PSD3: variants seen among roughly 807,000 people sequenced by gnomAD.
The protein encoded by PSD3 is pleckstrin and Sec7 domain containing 3.
In PSD3, 49 loss-of-function variants were observed where a neutral mutation model predicts 105.5. That is an observed-to-expected ratio of 0.46 (90% confidence interval 0.37 to 0.59). The LOEUF (loss-of-function observed/expected upper bound fraction) is 0.59. PSD3 is among the 20% of genes least tolerant of loss of function. PSD3 has a pLI of 0.00. For synonymous variants in PSD3, 557 were observed against 457.8 expected, an observed-to-expected ratio of 1.22 and a Z score of -2.77; for missense variants, 1,561 against 1,263.8, an observed-to-expected ratio of 1.24 and a Z score of -3.57.
chr8:18,905,818 A>G (rs1380334661), intron 2 of PSD3, among the ~76,000 whole-genome samples: 3 of 152,224 alleles, frequency 2.0e-5, no homozygotes, highest in Non-Finnish European at 4.4e-5. Context: ...ATTCACGAAT[A>G]TAGGCCTAAA....
intron 1 of PSD3, among the ~76,000 whole-genome samples, chr8:19,008,075 C>G (rs529038287): frequency 6.6e-6 from 1 of 152,276 alleles, no homozygotes; most frequent in South Asian, 2.1e-4. Context: ...CTCCGCTGAC[C>G]TCAGGCGATC....
chr8:18,951,883 C>G (rs970332612), intron 1 of PSD3, among the ~76,000 whole-genome samples: 1 of 152,016 alleles, frequency 6.6e-6, no homozygotes, highest in Admixed American at 6.6e-5. Flanking sequence ...GCAGAAGAAT[C>G]ATTTGAACCT....
intron 2 of PSD3, among the ~76,000 whole-genome samples, chr8:18,885,986 A>T (rs1157006125): frequency 6.6e-6 from 1 of 152,150 alleles, no homozygotes; most frequent in African/African-American, 2.4e-5. Flanking sequence ...CTATTCAGAT[A>T]CTAAGCTGTA....
chr8:18,704,015 A>G (rs1801742448), intron 9 of PSD3, among the ~76,000 whole-genome samples: 1 of 152,238 alleles, frequency 6.6e-6, no homozygotes, highest in African/African-American at 2.4e-5. Flanking sequence ...CTGGCAGATA[A>G]GATCTTTAAA....
rs926453499 is a variant in PSD3, at chr8:18,528,126, T to C, written c.*7617A>G. On this transcript the variant is annotated 3_prime_UTR_variant, in exon 16 of 16. Transcript: ENST00000327040. ...TGGTAATCAAGGCTGACAATATAAATTCTCCGCTAGTGTACATTTAGAAAT... is the reference window on the plus strand; with the variant it reads ...TGGTAATCAAGGCTGACAATATAAACTCTCCGCTAGTGTACATTTAGAAAT... 6.6e-6 allele frequency: 1 copy of C among 152,232 alleles called. No homozygotes were observed. The highest frequency in any genetic ancestry group is 1.5e-5 in the Non-Finnish European group (1 of 68,048). 9.4% of individuals were successfully genotyped at this position (152,232 alleles called of 1,614,324 possible).
At chr8:18,610,342 T>C (rs1825833) in intron 11 of PSD3, among the ~76,000 whole-genome samples, 42,122 of 152,116 alleles carry the variant, frequency 0.28, 6,220 homozygotes, top group South Asian at 0.46. Flanking sequence ...ATCCCAGTGG[T>C]TGTACTTCAA....
intron 11 of PSD3, among the ~76,000 whole-genome samples, chr8:18,609,372 T>A (rs1042985290): frequency 6.6e-6 from 1 of 152,168 alleles, no homozygotes; most frequent in Non-Finnish European, 1.5e-5. Context: ...CGGAGAAAGA[T>A]ATTCACAATA....
At chr8:18,927,581 A>G (rs1821451957) in intron 2 of PSD3, among the ~76,000 whole-genome samples, 2 of 152,188 alleles carry the variant, frequency 1.3e-5, no homozygotes, top group Non-Finnish European at 2.9e-5. Flanking sequence ...CTTAACCTTC[A>G]GCCCTTCGCT....
intron 9 of PSD3, among the ~76,000 whole-genome samples, chr8:18,753,838 C>A (rs1205490982): frequency 6.6e-6 from 1 of 152,104 alleles, no homozygotes; most frequent in Non-Finnish European, 1.5e-5. Context: ...CTAAGTACAT[C>A]CATTACTTTG....
intron 11 of PSD3, among the ~76,000 whole-genome samples, chr8:18,626,724 T>C (rs1806508246): frequency 6.6e-6 from 1 of 152,098 alleles, no homozygotes; most frequent in Non-Finnish European, 1.5e-5. Context: ...GGCATTCTGG[T>C]AGATTTCCAA....
intron 1 of PSD3, among the ~76,000 whole-genome samples, chr8:19,060,175 T>C (rs1828848079): frequency 6.6e-6 from 1 of 152,228 alleles, no homozygotes; most frequent in South Asian, 2.1e-4. Context: ...AATGAATACA[T>C]TTTTAAGTTT....
chr8:18,834,948 A>G (rs894096438), intron 4 of PSD3, among the ~76,000 whole-genome samples: 2 of 152,230 alleles, frequency 1.3e-5, no homozygotes, highest in Non-Finnish European at 2.9e-5. Context: ...AAAAAGGGTA[A>G]GCAGATAAGA....
rs1563360547 is a variant in PSD3, at chr8:18,865,274, ATATATATATATATTTTTTTTTTTT to A, written c.1634+2376_1634+2399del. 14 of 2,060 alleles carry A rather than the reference ATATATATATATATTTTTTTTTTTT, an allele frequency of 6.8e-3. 1 individual carries two copies. The highest frequency in any genetic ancestry group is 0.025 in the African/African-American group (14 of 552). 0.1% of individuals were successfully genotyped at this position (2,060 alleles called of 1,614,324 possible). On this transcript the variant is annotated intron_variant, in intron 4 of 15. Coordinates refer to ENST00000327040, the MANE Select transcript of PSD3 (RefSeq NM_015310.4). ...TATATATATATATATATATATATATATATATATATATATTTTTTTTTTTTTTTTTTTTTTTAAAGGCTATCTGAG... is the reference window on the plus strand; with the variant it reads ...TATATATATATATATATATATATATATTTTTTTTTTTAAAGGCTATCTGAG...
chr8:19,062,052 G>A (rs1369796782), intron 1 of PSD3, among the ~76,000 whole-genome samples: 1 of 152,062 alleles, frequency 6.6e-6, no homozygotes, highest in Admixed American at 6.6e-5. Flanking sequence ...AACTCTTTGA[G>A]GCCATTCTTC....
intron 1 of PSD3, among the ~76,000 whole-genome samples, chr8:18,961,463 C>T (rs4440666): frequency 0.39 from 59,476 of 151,986 alleles, 11,829 homozygotes; most frequent in Non-Finnish European, 0.41. Flanking sequence ...CCAAGGCGGG[C>T]GGATCATCTA....
chr8:18,765,491 T>C lies in PSD3; in HGVS notation c.2130A>G (p.Gln710=). The change falls in exon 9 of 16, where the codon CAA becomes CAG. Residue 710 remains glutamine, a synonymous_variant. Transcript: ENST00000327040. ...AGAAATCAACACCCTCATTTACCCC[T>C]TGCAGATTTGCAATGAACTCCTGAC... ...MTCQEFIANL[Q]GVNEGVDFSK... is the part of the protein sequence containing the mutation. 6.2e-7 allele frequency: 1 copy of C among 1,613,326 alleles called. No homozygotes were observed. Among genetic ancestry groups the C allele is most frequent in the South Asian group, 1.1e-5 (1 of 91,068 alleles).
rs548876207 is a variant in PSD3, at chr8:18,763,221, C to T, written c.2172+2228G>A. On this transcript the variant is annotated intron_variant, in intron 9 of 15. Coordinates refer to ENST00000327040, the MANE Select transcript of PSD3 (RefSeq NM_015310.4). Reference sequence around the variant, plus strand: ...ACAATAAAAGCCTCAGTTTATGTAACTTTAAGCTTTTTTAATATTGAATCT... The same window carrying T: ...ACAATAAAAGCCTCAGTTTATGTAATTTTAAGCTTTTTTAATATTGAATCT... 2.0e-5 allele frequency among the ~76,000 whole-genome samples: 3 copies of T among 152,234 alleles called. No individual in the cohort carries two copies. In the South Asian group the frequency reaches 6.2e-4, roughly 32 times the overall value.
rs554395219 is a variant in PSD3 at position 18,641,497 on chromosome 8, C to A, written c.2217-8691G>T. ...CCACAGAGCTGTGTACAAAGCAGTA[C>A]AGGATCAGAGAGGAGGGAAGAGTCT... On this transcript the variant is annotated intron_variant, in intron 10 of 15. Transcript: ENST00000327040. 4.6e-5 allele frequency among the ~76,000 whole-genome samples: 7 copies of A among 152,244 alleles called. No individual in the cohort carries two copies. The East Asian group carries it at 1.2e-3, about 25-fold the overall frequency.
chr8:18,736,462 C>T lies in PSD3; in HGVS notation c.2172+28987G>A, dbSNP rs192853426. Among the ~76,000 whole-genome samples, 24 of 152,112 alleles carry T rather than the reference C, an allele frequency of 1.6e-4. No homozygotes were observed. The East Asian group carries it at 3.7e-3, about 23-fold the overall frequency. On this transcript the variant is annotated intron_variant, in intron 9 of 15. Transcript: ENST00000327040. The stretch of plus-strand genomic sequence containing the variant: ...GTTTATTAGTATACATATTTATAGA[C>T]GAGTATGTGTTAGTAAACACCATTT...
Sources: allele counts gnomAD v4.1 joint callset (sites outside exome capture counted in the v4.1 genomes callset), GRCh38; gene constraint gnomAD v4.1.1; transcripts MANE v1.5; gene names NCBI Gene and HGNC (gene_info 2026-07-23, HGNC 2026-07-21).